WDR59: variants seen among roughly 807,000 people sequenced by gnomAD.
WDR59 encodes GATOR2 complex protein WDR59.
Under a neutral mutation model 131.2 loss-of-function variants are expected in WDR59, and 100 were observed. The ratio of observed to expected loss-of-function variants is 0.76; its 90% CI spans 0.65 to 0.90. The LOEUF (loss-of-function observed/expected upper bound fraction) is 0.90, where lower values mean the gene tolerates loss of function less well. WDR59 is among the 40% of genes least tolerant of loss of function. The pLI, the probability that WDR59 is intolerant of heterozygous loss-of-function variation, is 0.00. For missense variants in WDR59, 1,203 were observed against 1,262.2 expected, an observed-to-expected ratio of 0.95 and a Z score of 0.71; for synonymous variants, 601 against 466.2, an observed-to-expected ratio of 1.29 and a Z score of -3.72.
At chr16:74,911,732 T>C (rs779655239) in intron 14 of WDR59, among the ~76,000 whole-genome samples, 2 of 152,198 alleles carry the variant, frequency 1.3e-5, no homozygotes, top group Non-Finnish European at 2.9e-5. Flanking sequence ...TTATAAAATA[T>C]CTTTTAGCTT....
At chr16:74,955,687 C>T (rs1467794835) in intron 3 of WDR59, among the ~76,000 whole-genome samples, 5 of 152,158 alleles carry the variant, frequency 3.3e-5, no homozygotes, top group Non-Finnish European at 7.3e-5. Flanking sequence ...CAGTTGCTTT[C>T]CTTCTGCAGA....
chr16:74,873,151 C>A lies in WDR59; in HGVS notation c.*1058G>T, dbSNP rs1242495354. 2.0e-5 allele frequency: 3 copies of A among 152,130 alleles called. No homozygotes were observed. The highest frequency in any genetic ancestry group is 4.8e-5 in the African/African-American group (2 of 41,402). 9.4% of individuals were successfully genotyped at this position (152,130 alleles called of 1,614,324 possible). A position where few individuals can be genotyped will look rare whatever the true frequency, so the allele number is the denominator to read the frequency against. ...TCTCGAACTCCTGACCTCAGGTAAT[C>A]CTCCCACCTCAGCCTCCCAAAGTGC... On this transcript the variant is annotated 3_prime_UTR_variant, in exon 26 of 26. Transcript: ENST00000262144.
rs1489542677 is a variant in WDR59, at chr16:74,909,899, G to C, written c.1408C>G (p.Leu470Val). ...CTCTGGCCACGCTTCACTTTCTGCA[G>C]GGCTGTGTCCTTCAGGATCTAGAAA... The part of the protein sequence containing the change: ...KLLKILKDTA[L>V]QKVKRGQSCL... Residue 470 changes from leucine to valine, a missense_variant, in exon 15 of 26, where the codon CTG becomes GTG. Physicochemically the swap from Leu to Val is conservative, Grantham distance 32 (BLOSUM62 1). Transcript: ENST00000262144. 6.2e-7 allele frequency: 1 copy of C among 1,612,914 alleles called. No homozygotes were observed. Among genetic ancestry groups the C allele is most frequent in the Non-Finnish European group, 8.5e-7 (1 of 1,179,914 alleles).
chr16:74,874,899 T>TG (rs1964134055), intron 25 of WDR59, among the ~76,000 whole-genome samples: 1 of 151,850 alleles, frequency 6.6e-6, no homozygotes, highest in Non-Finnish European at 1.5e-5. Context: ...CCTGTTTTTT[T>TG]TTGTTTTTTT....
rs1597785278 is a variant in WDR59 at position 74,951,321 on chromosome 16, C to T, written c.326+137G>A. On this transcript the variant is annotated intron_variant, in intron 4 of 25. Transcript: ENST00000262144. ...CTCTTCACCACCATCTCAGTGAATG[C>T]TAATAACCCGCTGACCACCCGGGAC... 7.6e-6 allele frequency: 6 copies of T among 790,204 alleles called. No homozygotes were observed. The East Asian group carries it at 1.3e-4, about 18-fold the overall frequency. The allele number at this position is 790,204 out of a possible 1,614,324, so 48.9% of individuals were successfully genotyped here.
intron 1 of WDR59, among the ~76,000 whole-genome samples, chr16:74,969,707 T>C (rs375289645): frequency 6.6e-6 from 1 of 151,940 alleles, no homozygotes; most frequent in African/African-American, 2.4e-5. Context: ...GTACTGAGAT[T>C]ACAGGCATGT....
At chr16:74,889,078 C>T (rs562175472) in intron 21 of WDR59, among the ~76,000 whole-genome samples, 4 of 152,178 alleles carry the variant, frequency 2.6e-5, no homozygotes, top group African/African-American at 4.8e-5. Context: ...AACGGAAGCA[C>T]GAACACGTGT....
chr16:74,917,883 T>A, intron 11 of WDR59, 46 bp downstream of exon 11: 1 of 1,537,166 alleles, frequency 6.5e-7, no homozygotes, highest in Non-Finnish European at 9.0e-7. Context: ...CTTACACTTT[T>A]TGGTGGATTC....
chr16:74,896,113 A>G (rs1965284846), intron 18 of WDR59, among the ~76,000 whole-genome samples: 1 of 152,186 alleles, frequency 6.6e-6, no homozygotes, highest in Admixed American at 6.5e-5. Flanking sequence ...CTATGCCAGA[A>G]AGATTCCACC....
At chr16:74,885,272 G>T (rs926470008) in intron 25 of WDR59, among the ~76,000 whole-genome samples, 2 of 151,778 alleles carry the variant, frequency 1.3e-5, no homozygotes, top group African/African-American at 4.8e-5. Context: ...GGCCAACGTG[G>T]TAAAACCCCA....
At chr16:74,978,693 C>G (rs1373004487) in intron 1 of WDR59, among the ~76,000 whole-genome samples, 1 of 151,930 alleles carries the variant, frequency 6.6e-6, no homozygotes, top group Non-Finnish European at 1.5e-5. Context: ...GGTTACATGA[C>G]TACATCCATT....
intron 18 of WDR59, among the ~76,000 whole-genome samples, chr16:74,899,345 C>T (rs1965439224): frequency 6.6e-6 from 1 of 152,124 alleles, no homozygotes; most frequent in African/African-American, 2.4e-5. Context: ...CCCCCCATGC[C>T]AAAGGTAGGC....
intron 25 of WDR59, among the ~76,000 whole-genome samples, chr16:74,879,430 T>A (rs926609814): frequency 6.6e-6 from 1 of 152,190 alleles, no homozygotes. Context: ...GACTGTGGAA[T>A]GGATCAGGAT....
At chr16:74,980,705 G>T (rs1467785784) in intron 1 of WDR59, among the ~76,000 whole-genome samples, 2 of 152,036 alleles carry the variant, frequency 1.3e-5, no homozygotes, top group East Asian at 3.9e-4. Context: ...AGGTGCAATG[G>T]CTCACATCTG....
At chr16:74,888,144 C>T in intron 22 of WDR59, 25 bp downstream of exon 22, 1 of 1,472,090 alleles carries the variant, frequency 6.8e-7, no homozygotes, top group Non-Finnish European at 9.0e-7. Context: ...AAAAATCAGA[C>T]AAAACCAGAA....
At chr16:74,909,446 A>C (rs1364426166) in intron 16 of WDR59, 55 bp downstream of exon 16, 3 of 1,492,924 alleles carry the variant, frequency 2.0e-6, no homozygotes, top group Non-Finnish European at 2.7e-6. Context: ...AGAATCTATG[A>C]CATTCTTAGC....
intron 1 of WDR59, chr16:74,984,749 G>A (rs1392589162): frequency 1.6e-6 from 1 of 620,148 alleles, no homozygotes; most frequent in African/African-American, 1.8e-5. Context: ...TACCCGCGTA[G>A]GGAGCCCCGA....
chr16:74,961,632 A>C (rs1040189693), intron 2 of WDR59, among the ~76,000 whole-genome samples: 4 of 151,984 alleles, frequency 2.6e-5, no homozygotes, highest in African/African-American at 9.7e-5. Context: ...CCACTTTTTA[A>C]CGGGGTTGTT....
chr16:74,899,839 C>A lies in WDR59; in HGVS notation c.1866+4108G>T, dbSNP rs141226296. 244 of 1,001,856 alleles carry A rather than the reference C, an allele frequency of 2.4e-4. 1 individual carries two copies. In the African/African-American group the frequency reaches 3.8e-3, roughly 16 times the overall value. 62.1% of individuals were successfully genotyped at this position (1,001,856 alleles called of 1,614,324 possible). A position where few individuals can be genotyped will look rare whatever the true frequency, so the allele number is the denominator to read the frequency against. ...GGAAAAATATAGAATAAAATGAAAG[C>A]TTCCCACACATCCGATGGATTCCAA... On this transcript the variant is annotated intron_variant, in intron 18 of 25. Coordinates refer to ENST00000262144, the MANE Select transcript of WDR59 (RefSeq NM_030581.4).
Sources: allele counts gnomAD v4.1 joint callset (sites outside exome capture counted in the v4.1 genomes callset), GRCh38; gene constraint gnomAD v4.1.1; transcripts MANE v1.5; gene names NCBI Gene and HGNC (gene_info 2026-07-23, HGNC 2026-07-21).